The following RUNX2 variants were observed in gnomAD, a reference collection of about 807,000 sequenced individuals.
The protein encoded by RUNX2 is RUNX family transcription factor 2, also known as runt-related transcription factor 2.
A neutral mutation model predicts 51.7 loss-of-function variants in RUNX2; 10 were observed. That is an observed-to-expected ratio of 0.19 (90% CI 0.12 to 0.33). The LOEUF (loss-of-function observed/expected upper bound fraction) is 0.33. RUNX2 is among the 10% of genes least tolerant of loss of function. RUNX2 has a pLI of 1.00. For missense variants in RUNX2, 562 were observed against 691.3 expected, an observed-to-expected ratio of 0.81 and a Z score of 2.10; for synonymous variants, 276 against 273.6, an observed-to-expected ratio of 1.01 and a Z score of -0.09.
At chr6:45,499,838 G>A (rs1206693975) in intron 6 of RUNX2, among the ~76,000 whole-genome samples, 2 of 152,012 alleles carry the variant, frequency 1.3e-5, no homozygotes, top group African/African-American at 4.8e-5. Context: ...TCCATGCAGA[G>A]GAAGTCTTGA....
intron 5 of RUNX2, among the ~76,000 whole-genome samples, chr6:45,465,009 T>C (rs13199256): frequency 6.6e-6 from 1 of 152,242 alleles, no homozygotes; most frequent in African/African-American, 2.4e-5. Context: ...ATTTGCCATC[T>C]TTTGAGCCTT....
intron 5 of RUNX2, among the ~76,000 whole-genome samples, chr6:45,476,962 T>A (rs1340113769): frequency 6.6e-6 from 1 of 152,138 alleles, no homozygotes; most frequent in Non-Finnish European, 1.5e-5. Context: ...CTTGAAGCCA[T>A]TGGGATTGAT....
chr6:45,530,077 T>C (rs973575439), intron 7 of RUNX2, among the ~76,000 whole-genome samples: 2 of 152,200 alleles, frequency 1.3e-5, no homozygotes, highest in African/African-American at 4.8e-5. Flanking sequence ...AAGCTAGTAT[T>C]TGAGGTGTCA....
In RUNX2 at chr6:45,404,324, A is replaced by T. The variant is rs571451961; in HGVS notation, c.59-18269A>T. Among the ~76,000 whole-genome samples, 500 of 151,608 alleles carry T rather than the reference A, an allele frequency of 3.3e-3. 3 individuals carry two copies. The highest frequency in any genetic ancestry group is 0.011 in the African/African-American group (473 of 41,340). On this transcript the variant is annotated intron_variant, in intron 2 of 8. Coordinates refer to ENST00000647337, the MANE Select transcript of RUNX2 (RefSeq NM_001024630.4). ...GGAAAAAAAAGAAAAAAGAAAAAAA[A>T]GTATTCTAGGCATAAGAATCTGCAA...
chr6:45,437,553 G>A (rs1194305368), intron 4 of RUNX2, among the ~76,000 whole-genome samples: 1 of 152,164 alleles, frequency 6.6e-6, no homozygotes, highest in African/African-American at 2.4e-5. Context: ...TCTCTCGTGA[G>A]GTCATGACCC....
rs75363025 is a variant in RUNX2, at chr6:45,343,413, C to T, written c.58+14629C>T. Among the ~76,000 whole-genome samples the T allele has an allele frequency of 5.4e-3, 829 of 152,224 alleles. 12 individuals carry two copies. Among genetic ancestry groups the T allele is most frequent in the African/African-American group, 0.019 (796 of 41,520 alleles). On this transcript the variant is annotated intron_variant, in intron 2 of 8. Transcript: ENST00000647337. ...AGTGAAGAGCACCTGGTAGTTTACTCTTAATTCTGAAGGACTCGAGAGACT... is the reference window on the plus strand; with the variant it reads ...AGTGAAGAGCACCTGGTAGTTTACTTTTAATTCTGAAGGACTCGAGAGACT...
At chr6:45,541,763 T>G (rs188702766) in intron 7 of RUNX2, among the ~76,000 whole-genome samples, 103 of 152,344 alleles carry the variant, frequency 6.8e-4, no homozygotes, top group African/African-American at 2.4e-3. Flanking sequence ...GTGAATGTAC[T>G]GCACAGAGGC....
intron 8 of RUNX2, 123 bp downstream of exon 8, chr6:45,545,405 C>A (rs894151898): frequency 2.7e-5 from 28 of 1,047,856 alleles, no homozygotes; most frequent in Admixed American, 1.9e-4. Context: ...CTTTTTATTA[C>A]AAATGCACAT....
chr6:45,419,349 A>T (rs1798127857), intron 2 of RUNX2, among the ~76,000 whole-genome samples: 1 of 151,832 alleles, frequency 6.6e-6, no homozygotes, highest in African/African-American at 2.4e-5. Flanking sequence ...GCCCCCACAG[A>T]TTTAAAAACA....
At chr6:45,409,846 G>A (rs1332512581) in intron 2 of RUNX2, among the ~76,000 whole-genome samples, 2 of 152,164 alleles carry the variant, frequency 1.3e-5, no homozygotes, top group Non-Finnish European at 2.9e-5. Flanking sequence ...AGATGACTAA[G>A]ACTAATCCCT....
chr6:45,513,328 C>T (rs1489015903), intron 7 of RUNX2: 2 of 152,284 alleles, frequency 1.3e-5, no homozygotes, highest in East Asian at 3.9e-4. Flanking sequence ...CCACGTTTGC[C>T]AGATACTCTT....
At chr6:45,461,052 T>C (rs572467553) in intron 5 of RUNX2, among the ~76,000 whole-genome samples, 2 of 152,270 alleles carry the variant, frequency 1.3e-5, no homozygotes, top group African/African-American at 4.8e-5. Flanking sequence ...AGGCATGTGT[T>C]ACAGGCACAG....
At chr6:45,358,348 T>C (rs1382300209) in intron 2 of RUNX2, among the ~76,000 whole-genome samples, 1 of 152,162 alleles carries the variant, frequency 6.6e-6, no homozygotes, top group Non-Finnish European at 1.5e-5. Flanking sequence ...ATATACTCAA[T>C]AGGTACACAT....
At chr6:45,525,664 T>G (rs1025346521) in intron 7 of RUNX2, among the ~76,000 whole-genome samples, 4 of 152,124 alleles carry the variant, frequency 2.6e-5, no homozygotes, top group Non-Finnish European at 4.4e-5. Context: ...AAGGGCAGGT[T>G]TTCTTACAGG....
At chr6:45,395,027 A>G (rs1797552561) in intron 2 of RUNX2, among the ~76,000 whole-genome samples, 3 of 152,256 alleles carry the variant, frequency 2.0e-5, no homozygotes, top group South Asian at 4.1e-4. Context: ...AAGCTAGTCC[A>G]CAAGCTTAGT....
chr6:45,340,246 A>T (rs1789472464), intron 2 of RUNX2, among the ~76,000 whole-genome samples: 2 of 152,178 alleles, frequency 1.3e-5, no homozygotes, highest in African/African-American at 4.8e-5. Flanking sequence ...TATCTTTAAG[A>T]AATACTAATC....
chr6:45,451,471 G>A (rs1799169530), intron 5 of RUNX2, among the ~76,000 whole-genome samples: 1 of 152,170 alleles, frequency 6.6e-6, no homozygotes, highest in South Asian at 2.1e-4. Context: ...AGAGCAACAT[G>A]GAAAACTTCA....
At chr6:45,473,151 C>T (rs145173468) in intron 5 of RUNX2, among the ~76,000 whole-genome samples, 2 of 152,134 alleles carry the variant, frequency 1.3e-5, no homozygotes, top group Non-Finnish European at 2.9e-5. Flanking sequence ...TCAGCCTTTG[C>T]GCTGAAGGGA....
intron 6 of RUNX2, among the ~76,000 whole-genome samples, chr6:45,508,583 A>G (rs963677695): frequency 1.3e-5 from 2 of 152,118 alleles, no homozygotes; most frequent in African/African-American, 4.8e-5. Context: ...GACTCTTAGG[A>G]CAGTGACCTT....
Sources: allele counts gnomAD v4.1 joint callset (sites outside exome capture counted in the v4.1 genomes callset), GRCh38; gene constraint gnomAD v4.1.1; transcripts MANE v1.5; gene names NCBI Gene and HGNC (gene_info 2026-07-23, HGNC 2026-07-21).